Variants in MAP4K1 observed in about 807,000 individuals in gnomAD.
MAP4K1 encodes MAPK/ERK kinase kinase kinase 1.
In MAP4K1, 35 loss-of-function variants were observed where a neutral mutation model predicts 122.8. That is an observed-to-expected ratio of 0.29 (90% CI 0.22 to 0.38). The LOEUF is 0.38. Ranked by LOEUF, MAP4K1 falls within the 10% of genes least tolerant of loss-of-function variation. The pLI is 1.00. For synonymous variants in MAP4K1, 412 were observed against 421.3 expected, an observed-to-expected ratio of 0.98 and a Z score of 0.27; for missense variants, 791 against 1,072.6, an observed-to-expected ratio of 0.74 and a Z score of 3.67.
At chr19:38,610,417 G>A (rs1192015454) in intron 11 of MAP4K1, among the ~76,000 whole-genome samples, 3 of 110,484 alleles carry the variant, frequency 2.7e-5, no homozygotes, top group African/African-American at 3.6e-5. Context: ...ACAGGGTCTC[G>A]CCCTGTCACT....
At position 38,595,497 on chromosome 19, in the gene MAP4K1, T is replaced by G. The variant is rs1260673825; in HGVS notation, c.2328A>C (p.Leu776=). 2.5e-6 allele frequency: 4 copies of G among 1,613,866 alleles called. No homozygotes were observed. In the African/African-American group the frequency reaches 4.0e-5, roughly 16 times the overall value. ...TGGAGGGGCTTACCTGATCCGAGCC[T>G]AGAGCCCACACCTGCACTCCATGCT... is the stretch of plus-strand genomic sequence containing the variant. ...FWKHGVQVWA[L]GSDQLLQELR... is the part of the protein sequence containing the mutation. Residue 776 remains leucine (L), a synonymous_variant, in exon 29 of 31, where the codon CTA becomes CTC. Coordinates refer to ENST00000396857, the MANE Select transcript of MAP4K1 (RefSeq NM_001042600.3).
chr19:38,596,078 C>G, intron 26 of MAP4K1, 77 bp from the exon 27 acceptor site: 4 of 1,481,706 alleles, frequency 2.7e-6, no homozygotes, highest in Non-Finnish European at 3.8e-6. Flanking sequence ...AGGCCAGTAC[C>G]TGTGCTTTAG....
At chr19:38,602,762 GCATATACATATATACA>G (rs1332695619) in intron 19 of MAP4K1, among the ~76,000 whole-genome samples, 120 of 95,040 alleles carry the variant, frequency 1.3e-3, no homozygotes, top group African/African-American at 4.2e-3. Flanking sequence ...ACATATATAC[GCATATACATATATACA>G]CATATACATA....
Position 38,596,314 on chromosome 19 carries a change from G to C in MAP4K1, c.2114C>G (p.Thr705Ser). Residue 705 changes from threonine to serine, a missense_variant and splice_region_variant, in exon 26 of 31, where the codon ACC becomes AGC. Physicochemically the swap from Thr to Ser is moderately conservative, Grantham distance 58 (BLOSUM62 1). This residue lies in a region of MAP4K1 where 267 missense variants were observed against 323.0 expected (regional missense o/e 0.83). Transcript: ENST00000396857. ...ALSCWLGEMS[T>S]EHRGPVQVTQ... The stretch of plus-strand genomic sequence containing the variant: ...CAGCAAGACTCCGCCCCACTCACCG[G>C]TGCTCATCTCGCCCAGCCAGCAAGA... 1 of 1,572,710 alleles carries C rather than the reference G, an allele frequency of 6.4e-7. No individual in the cohort carries two copies. The highest frequency in any genetic ancestry group is 8.6e-7 in the Non-Finnish European group (1 of 1,158,040).
rs1031744033 is a variant in MAP4K1 at position 38,608,799 on chromosome 19, C to CAAA, written c.1007-632_1007-630dup. On this transcript the variant is annotated intron_variant, in intron 13 of 30. Coordinates refer to ENST00000396857, the MANE Select transcript of MAP4K1 (RefSeq NM_001042600.3). ...TGGGCGACAGAGTGAAACTCCGTCT[C>CAAA]AAAAAAAAAAAAAAAAAAAAAAAAA... 5.0e-3 allele frequency among the ~76,000 whole-genome samples: 48 copies of CAAA among 9,548 alleles called. 5 individuals are homozygous for CAAA. Among genetic ancestry groups the CAAA allele is most frequent in the African/African-American group, 7.8e-3 (22 of 2,814 alleles). The allele number at this position is 9,548 out of a possible 152,430, so 6.3% of individuals were successfully genotyped here. A position where few individuals can be genotyped will look rare whatever the true frequency, so the allele number is the denominator to read the frequency against.
Position 38,597,200 on chromosome 19 carries a change from C to T in MAP4K1, c.1838-63G>A. 1 of 1,594,356 alleles carries T rather than the reference C, an allele frequency of 6.3e-7. No homozygotes were observed. The highest frequency in any genetic ancestry group is 8.6e-7 in the Non-Finnish European group (1 of 1,162,396). On this transcript the variant is annotated intron_variant, in intron 24 of 30. Transcript: ENST00000396857. This position sits in a 1 kb window ranked among gnomAD's most constrained non-coding sequence, Gnocchi z 4.6. ...TCTATCCTCCTCGCCACCCACACTA[C>T]CACCCATCTTCTGGGTTCTGGACAC...
intron 11 of MAP4K1, among the ~76,000 whole-genome samples, chr19:38,610,372 A>AT (rs35103992): frequency 0.032 from 2,468 of 76,230 alleles, 382 homozygotes; most frequent in Non-Finnish European, 0.042. Context: ...CGCCCAGCTA[A>AT]TTTTTTTTTT....
At chr19:38,607,944 T>A in intron 15 of MAP4K1, 33 bp from the exon 16 acceptor site, 1 of 1,611,946 alleles carries the variant, frequency 6.2e-7, no homozygotes, top group African/African-American at 1.3e-5. Context: ...CTTGGGGGCC[T>A]TGTCCACATT....
At chr19:38,594,283 G>A (rs1183799776) in intron 29 of MAP4K1, among the ~76,000 whole-genome samples, 2 of 151,832 alleles carry the variant, frequency 1.3e-5, no homozygotes, top group Admixed American at 1.3e-4. Context: ...GAAAGTCAAG[G>A]CTACAGCTAG....
chr19:38,614,287 C>T lies in MAP4K1; in HGVS notation c.375G>A (p.Leu125=), dbSNP rs1335190050. 6.2e-7 allele frequency: 1 copy of T among 1,614,082 alleles called. No individual in the cohort carries two copies. The highest frequency in any genetic ancestry group is 8.5e-7 in the Non-Finnish European group (1 of 1,180,030). ...TCTTCTTCTGTGAGTGCAAATAGGC[C>T]AGTCCCTGGGGAGAAGGGTGGACAA... ...SYVCREVLQG[L]AYLHSQKKIH... The change falls in exon 6 of 31, where the codon CTG becomes CTA. Residue 125 remains leucine, a synonymous_variant. Coordinates refer to ENST00000396857, the MANE Select transcript of MAP4K1 (RefSeq NM_001042600.3).
At chr19:38,605,297 G>A (rs887568022) in intron 19 of MAP4K1, 112 bp downstream of exon 19, 22 of 792,812 alleles carry the variant, frequency 2.8e-5, no homozygotes, top group African/African-American at 8.6e-5. Context: ...ACAGAGAAGC[G>A]CTCAACAAAT....
chr19:38,594,438 G>A (rs865983000), intron 29 of MAP4K1, among the ~76,000 whole-genome samples: 16 of 152,152 alleles, frequency 1.1e-4, no homozygotes, highest in South Asian at 2.1e-4. Context: ...TCAGGAGTTC[G>A]AGACCAGTCT....
chr19:38,604,873 G>C (rs1276340677), intron 19 of MAP4K1, among the ~76,000 whole-genome samples: 2 of 151,478 alleles, frequency 1.3e-5, no homozygotes, highest in African/African-American at 4.9e-5. Flanking sequence ...GATCACCTGA[G>C]GTCAGGAGTT....
intron 20 of MAP4K1, among the ~76,000 whole-genome samples, chr19:38,601,015 A>G (rs1419647157): frequency 6.6e-6 from 1 of 152,132 alleles, no homozygotes; most frequent in Non-Finnish European, 1.5e-5. Context: ...CACGTTGGCC[A>G]GGCTGGTCTC....
intron 22 of MAP4K1, among the ~76,000 whole-genome samples, chr19:38,598,663 A>G (rs1363970208): frequency 6.6e-6 from 1 of 152,006 alleles, no homozygotes; most frequent in East Asian, 1.9e-4. Flanking sequence ...TGCTCACTCT[A>G]TCTTAGTAAA....
At chr19:38,608,570 C>T (rs561879422) in intron 13 of MAP4K1, among the ~76,000 whole-genome samples, 124 of 151,916 alleles carry the variant, frequency 8.2e-4, no homozygotes, top group African/African-American at 2.8e-3. Flanking sequence ...GTGAGGCAGG[C>T]AGATCACCTG....
In MAP4K1 at chr19:38,594,345, T is replaced by G. The variant is rs555189370; in HGVS notation, c.2341-1008A>C. On this transcript the variant is annotated intron_variant, in intron 29 of 30. Transcript: ENST00000396857. ...CTGGACAAGAGAGAGAGACCCTATC[T>G]CCAAAACAAACAGGCCGGGTGAAGT... is the stretch of plus-strand genomic sequence containing the variant. 2.5e-4 allele frequency among the ~76,000 whole-genome samples: 38 copies of G among 151,970 alleles called. No individual in the cohort carries two copies. In the South Asian group the frequency reaches 5.4e-3, roughly 22 times the overall value.
chr19:38,598,150 C>G (rs1044313230), intron 22 of MAP4K1, among the ~76,000 whole-genome samples: 7 of 151,868 alleles, frequency 4.6e-5, no homozygotes. Context: ...CATGCCTCAG[C>G]CTCCCAAGTA....
intron 20 of MAP4K1, among the ~76,000 whole-genome samples, chr19:38,601,059 G>A (rs754836628): frequency 5.9e-5 from 9 of 152,030 alleles, no homozygotes; most frequent in Non-Finnish European, 7.4e-5. Flanking sequence ...GCCCGCCTCC[G>A]CCTCCCAAAG....
Sources: allele counts gnomAD v4.1 joint callset (sites outside exome capture counted in the v4.1 genomes callset), GRCh38; gene constraint gnomAD v4.1.1; regional missense constraint gnomAD v4.1.1; non-coding constraint Gnocchi (gnomAD v3.1); transcripts MANE v1.5; gene names NCBI Gene and HGNC (gene_info 2026-07-23, HGNC 2026-07-21).